Variants in ACTR2 observed in about 807,000 individuals in gnomAD.
ACTR2 encodes the protein actin-related protein 2.
A neutral mutation model predicts 50.2 loss-of-function variants in ACTR2; 5 were observed. The observed-to-expected ratio is 0.10, with a 90% CI of 0.05 to 0.21. The LOEUF is 0.21. ACTR2 is among the 10% of genes least tolerant of loss of function. ACTR2 has a pLI of 1.00. For missense variants in ACTR2, 180 were observed against 480.6 expected (o/e 0.37, Z 5.85); for synonymous variants, 140 against 162.9 (o/e 0.86, Z 1.07).
At chr2:65,239,819 C>T (rs1484345500) in intron 1 of ACTR2, 33 bp from the exon 2 acceptor site, 26 of 1,270,992 alleles carry the variant, frequency 2.0e-5, no homozygotes, top group Non-Finnish European at 3.0e-5. Flanking sequence ...TATCCTGATG[C>T]TAACCCACTT....
At chr2:65,239,789 C>A in intron 1 of ACTR2, 63 bp from the exon 2 acceptor site, 2 of 1,009,116 alleles carry the variant, frequency 2.0e-6, no homozygotes, top group Non-Finnish European at 3.1e-6. Flanking sequence ...TTTTCAGATG[C>A]TGTCTTAAAA....
intron 5 of ACTR2, among the ~76,000 whole-genome samples, chr2:65,254,089 A>G (rs1436933314): frequency 6.6e-6 from 1 of 152,232 alleles, no homozygotes; most frequent in Non-Finnish European, 1.5e-5. Flanking sequence ...TGATCTCTGT[A>G]TACTAATGAG....
intron 3 of ACTR2, among the ~76,000 whole-genome samples, chr2:65,248,153 C>T (rs1189111784): frequency 2.0e-5 from 3 of 152,118 alleles, no homozygotes; most frequent in Non-Finnish European, 2.9e-5. Context: ...GTAATCCCAG[C>T]ACTTCTGGGA....
intron 6 of ACTR2, among the ~76,000 whole-genome samples, chr2:65,257,993 G>C (rs142710548): frequency 1.7e-3 from 255 of 152,252 alleles, no homozygotes; most frequent in African/African-American, 5.7e-3. Context: ...ATTGCTTTTG[G>C]TGTTTTAGTC....
chr2:65,233,922 T>C (rs1671685642), intron 1 of ACTR2, among the ~76,000 whole-genome samples: 1 of 151,944 alleles, frequency 6.6e-6, no homozygotes, highest in South Asian at 2.1e-4. Context: ...TTTTTTTTCC[T>C]GACAGGGTCT....
intron 7 of ACTR2, among the ~76,000 whole-genome samples, chr2:65,262,997 A>G (rs1264807439): frequency 6.6e-6 from 1 of 151,036 alleles, no homozygotes; most frequent in Non-Finnish European, 1.5e-5. Context: ...GTTCCTAAAA[A>G]AAAAACATAT....
chr2:65,258,904 G>A (rs1417489510), intron 6 of ACTR2, among the ~76,000 whole-genome samples: 1 of 152,100 alleles, frequency 6.6e-6, no homozygotes, highest in Non-Finnish European at 1.5e-5. Context: ...TATTTTGGGT[G>A]ATTTCATGTG....
intron 2 of ACTR2, chr2:65,241,921 A>G: frequency 8.3e-7 from 1 of 1,203,980 alleles, no homozygotes; most frequent in Non-Finnish European, 1.2e-6. Context: ...GTAGTACTGC[A>G]TCTGACCTCA....
At chr2:65,255,718 T>G (rs751120464) in intron 6 of ACTR2, 24 bp downstream of exon 6, 1 of 1,585,660 alleles carries the variant, frequency 6.3e-7, no homozygotes. Flanking sequence ...GTGTATAATA[T>G]ATATGTGTTT....
chr2:65,254,380 A>G (rs965983967), intron 5 of ACTR2, among the ~76,000 whole-genome samples: 1 of 152,196 alleles, frequency 6.6e-6, no homozygotes, highest in East Asian at 1.9e-4. Flanking sequence ...GTTTTCATGG[A>G]ATAGATGCAG....
intron 6 of ACTR2, among the ~76,000 whole-genome samples, chr2:65,258,788 A>G (rs534286961): frequency 7.9e-5 from 12 of 152,194 alleles, no homozygotes; most frequent in African/African-American, 2.6e-4. Flanking sequence ...ACTTGACCCC[A>G]TGCTGGCCAG....
At chr2:65,240,265 T>C (rs1213860809) in intron 2 of ACTR2, among the ~76,000 whole-genome samples, 2 of 152,236 alleles carry the variant, frequency 1.3e-5, no homozygotes, top group African/African-American at 2.4e-5. Context: ...CATAATATAA[T>C]TTTTAAAAGA....
At chr2:65,239,343 A>T (rs544365980) in intron 1 of ACTR2, among the ~76,000 whole-genome samples, 3 of 152,316 alleles carry the variant, frequency 2.0e-5, no homozygotes, top group African/African-American at 7.2e-5. Context: ...AATCCCAGCT[A>T]CTTGGGAGGC....
intron 4 of ACTR2, among the ~76,000 whole-genome samples, chr2:65,251,392 G>A (rs375538239): frequency 1.8e-4 from 27 of 151,516 alleles, no homozygotes; most frequent in Non-Finnish European, 2.9e-4. Flanking sequence ...ACAGATTTTC[G>A]CTTTTGTTGC....
intron 3 of ACTR2, among the ~76,000 whole-genome samples, chr2:65,248,123 G>C (rs1671973849): frequency 6.6e-6 from 1 of 152,158 alleles, no homozygotes; most frequent in Admixed American, 6.5e-5. Context: ...TTGGGCGGCT[G>C]GAAGTGGTGG....
intron 4 of ACTR2, among the ~76,000 whole-genome samples, chr2:65,253,414 C>T (rs1252614476): frequency 6.6e-6 from 1 of 151,822 alleles, no homozygotes; most frequent in Non-Finnish European, 1.5e-5. Context: ...CTGTACTCCT[C>T]CAGCCTGGGT....
Position 65,227,860 on chromosome 2 carries a change from G to C in ACTR2, c.-50G>C. The C allele has an allele frequency of 6.7e-7, 1 of 1,489,566 alleles. No individual in the cohort carries two copies. Among genetic ancestry groups the C allele is most frequent in the East Asian group, 2.9e-5 (1 of 33,944 alleles). 92.3% of individuals were successfully genotyped at this position (1,489,566 alleles called of 1,614,324 possible). ...GAGGAAGAAGAGAAAACGGCCGGGC[G>C]GCGGTGGCTGTAGGTTGTGCGGCTG... On this transcript the variant is annotated 5_prime_UTR_variant, in exon 1 of 9. Transcript: ENST00000260641.
chr2:65,239,986 T>A (rs758826045), intron 2 of ACTR2, 24 bp downstream of exon 2: 1 of 1,444,274 alleles, frequency 6.9e-7, no homozygotes, highest in African/African-American at 1.4e-5. Flanking sequence ...TATTGATAAA[T>A]GATAATCAAG....
chr2:65,232,511 G>A (rs1022855226), intron 1 of ACTR2, among the ~76,000 whole-genome samples: 1 of 152,132 alleles, frequency 6.6e-6, no homozygotes, highest in Non-Finnish European at 1.5e-5. Flanking sequence ...GGTATAAGTA[G>A]AATAAATATT....
Sources: gnomAD v4.1 joint callset for allele counts (sites outside exome capture counted in the v4.1 genomes callset) on GRCh38, gnomAD v4.1.1 for gene constraint, MANE v1.5 for transcripts, NCBI Gene and HGNC (gene_info 2026-07-23, HGNC 2026-07-21) for gene names.